Variants in PPP2R3B observed in about 807,000 individuals in gnomAD.
PPP2R3B encodes protein phosphatase 2 regulatory subunit B''beta, also known as serine/threonine-protein phosphatase 2A regulatory subunit B'' subunit beta.
In PPP2R3B, 68 loss-of-function variants were observed where a neutral mutation model predicts 72.9. That is an observed-to-expected ratio of 0.93 (90% CI 0.77 to 1.14). PPP2R3B has a LOEUF of 1.14. Ranked by LOEUF, PPP2R3B falls within the 50% of genes most tolerant of loss-of-function variation. The pLI is 0.00. For synonymous variants in PPP2R3B, 466 were observed against 375.8 expected, an observed-to-expected ratio of 1.24 and a Z score of -2.78; for missense variants, 1,018 against 842.0, an observed-to-expected ratio of 1.21 and a Z score of -2.59.
At chrX:374,166 G>A (rs1242846994) in intron 1 of PPP2R3B, 1 of 152,198 alleles carries the variant, frequency 6.6e-6, no homozygotes, top group African/African-American at 2.4e-5. Context: ...TCCCCGAGAA[G>A]AGAGCCTGGG....
At chrX:353,431 C>T (rs1039220662) in intron 2 of PPP2R3B, among the ~76,000 whole-genome samples, 13 of 152,088 alleles carry the variant, frequency 8.5e-5, no homozygotes, top group Non-Finnish European at 2.9e-5. Flanking sequence ...ACAATTCATG[C>T]TGTCATTAAA....
intron 1 of PPP2R3B, among the ~76,000 whole-genome samples, chrX:367,983 T>C (rs1248896960): frequency 6.6e-6 from 1 of 152,176 alleles, no homozygotes; most frequent in African/African-American, 2.4e-5. Context: ...AAGAGGTCAG[T>C]CAGGGGAAGA....
intron 1 of PPP2R3B, among the ~76,000 whole-genome samples, chrX:367,040 G>C (rs935503971): frequency 7.4e-6 from 1 of 135,020 alleles, no homozygotes; most frequent in Non-Finnish European, 1.6e-5. Context: ...AAAAAAAAAA[G>C]TGAGATGAAT....
intron 1 of PPP2R3B, among the ~76,000 whole-genome samples, chrX:367,933 T>G (rs1158956006): frequency 6.6e-6 from 1 of 152,206 alleles, no homozygotes; most frequent in Non-Finnish European, 1.5e-5. Context: ...CACAAGGTGA[T>G]GGACAGACCT....
At chrX:345,331 AGACAC>A (rs1181630365) in intron 7 of PPP2R3B, 180 bp downstream of exon 7, 11 of 875,678 alleles carry the variant, frequency 1.3e-5, no homozygotes, top group Non-Finnish European at 2.0e-5. Flanking sequence ...GCGGGGACCC[AGACAC>A]GGGGCAGCGA....
At chrX:351,416 A>C (rs1304171912) in intron 2 of PPP2R3B, among the ~76,000 whole-genome samples, 1 of 152,206 alleles carries the variant, frequency 6.6e-6, no homozygotes, top group Non-Finnish European at 1.5e-5. Flanking sequence ...CGCGTGCAAG[A>C]CACACCGTCA....
In PPP2R3B at chrX:334,433, GGGCGCCTCGAAGA is replaced by G; in HGVS notation, c.1649_1661del (p.Phe550SerfsTer59). 2.5e-6 allele frequency: 4 copies of G among 1,595,702 alleles called. No individual in the cohort carries two copies. Among genetic ancestry groups the G allele is most frequent in the Non-Finnish European group, 8.5e-7 (1 of 1,176,150 alleles). ...ACAGGTCCACGGCGCCCAGCGGTGA[GGGCGCCTCGAAGA>G]AGGGCCTCTGGGCCAGCGGGGAGCG... On this transcript the variant is annotated frameshift_variant, in exon 13 of 13. Transcript: ENST00000390665. LOFTEE classifies it high-confidence loss of function.
chrX:373,661 G>A (rs1453032928), intron 1 of PPP2R3B: 1 of 258,648 alleles, frequency 3.9e-6, no homozygotes, highest in South Asian at 3.4e-5. Context: ...GTCGCATGCC[G>A]CCGGCGCGCA....
Position 338,729 on chromosome X carries a change from T to C in PPP2R3B, c.1471-19A>G. 1 of 1,611,762 alleles carries C rather than the reference T, an allele frequency of 6.2e-7. No individual in the cohort carries two copies. The highest frequency in any genetic ancestry group is 1.7e-5 in the Admixed American group (1 of 59,988). Reference sequence around the variant, plus strand: ...CACCGTCCTGGAGGAAGCACACGGGTTACGTACACGGCGTGGCGCGGCCCG... The same window carrying C: ...CACCGTCCTGGAGGAAGCACACGGGCTACGTACACGGCGTGGCGCGGCCCG... On this transcript the variant is annotated intron_variant, in intron 11 of 12. Coordinates refer to ENST00000390665, the MANE Select transcript of PPP2R3B (RefSeq NM_013239.5).
At chrX:342,176 C>T (rs1228911352) in intron 7 of PPP2R3B, 2 of 606,088 alleles carry the variant, frequency 3.3e-6, no homozygotes, top group East Asian at 2.8e-5. Context: ...GCTCCAAGAC[C>T]GACTTGTAAA....
intron 1 of PPP2R3B, among the ~76,000 whole-genome samples, chrX:382,344 C>T (rs1165462094): frequency 6.6e-6 from 1 of 151,890 alleles, no homozygotes; most frequent in African/African-American, 2.4e-5. Context: ...ATTACAGGTG[C>T]CCACCACCAC....
chrX:376,095 G>A (rs2071986213), intron 1 of PPP2R3B, among the ~76,000 whole-genome samples: 1 of 152,136 alleles, frequency 6.6e-6, no homozygotes, highest in Non-Finnish European at 1.5e-5. Context: ...GGAGGCTGAG[G>A]GAGAAGAATC....
chrX:369,166 G>C (rs987335797), intron 1 of PPP2R3B, among the ~76,000 whole-genome samples: 3 of 152,188 alleles, frequency 2.0e-5, no homozygotes, highest in Non-Finnish European at 2.9e-5. Context: ...GGTGAGGCCA[G>C]GCATCTACGG....
chrX:364,596 T>C (rs1413250566), intron 1 of PPP2R3B, among the ~76,000 whole-genome samples: 1 of 148,206 alleles, frequency 6.7e-6, no homozygotes, highest in Non-Finnish European at 1.5e-5. Flanking sequence ...AGGGTGCCTG[T>C]ACTCCCAGCT....
chrX:345,544 C>T lies in PPP2R3B; in HGVS notation c.1008G>A (p.Ala336=), dbSNP rs763344461. Residue 336 remains alanine, a synonymous_variant, in exon 7 of 13, where the codon GCG becomes GCA. Coordinates refer to ENST00000390665, the MANE Select transcript of PPP2R3B (RefSeq NM_013239.5). ...LDTDHDLLID[A]DDLARHNDHA... is the part of the protein sequence containing the mutation. ...GGTCATTGTGCCGCGCCAGGTCGTC[C>T]GCGTCGATGAGCAGGTCGTGGTCCG... 1.1e-4 allele frequency: 182 copies of T among 1,613,178 alleles called. No homozygotes were observed. The East Asian group carries it at 3.8e-3, about 33-fold the overall frequency.
chrX:353,951 G>A (rs2071384688), intron 2 of PPP2R3B, among the ~76,000 whole-genome samples: 1 of 138,644 alleles, frequency 7.2e-6, no homozygotes, highest in Non-Finnish European at 1.5e-5. Context: ...CAGGGAGCAG[G>A]GGCTCACCCA....
Position 341,359 on chromosome X carries a change from C to G in PPP2R3B, c.1123G>C (p.Ala375Pro), listed in dbSNP as rs1456123185. Residue 375 changes from alanine (A) to proline (P), a missense_variant, in exon 9 of 13, where the codon GCC (alanine) becomes CCC (proline). Physicochemically the swap from Ala to Pro is conservative, Grantham distance 27. Coordinates refer to ENST00000390665, the MANE Select transcript of PPP2R3B (RefSeq NM_013239.5). The stretch of plus-strand genomic sequence containing the variant: ...GAGATCAAAAACCAGACAAAGTCGG[C>G]ATAGCTGATCTTCCCTTCCTTCTGC... ...KVQKEGKISYADFVWFLISEE... is the reference protein window; with the variant it reads ...KVQKEGKISYPDFVWFLISEE... 6.2e-7 allele frequency: 1 copy of G among 1,612,774 alleles called. No homozygotes were observed. Among genetic ancestry groups the G allele is most frequent in the South Asian group, 1.1e-5 (1 of 91,082 alleles).
chrX:381,027 C>T (rs1434189079), intron 1 of PPP2R3B, among the ~76,000 whole-genome samples: 1 of 151,712 alleles, frequency 6.6e-6, no homozygotes, highest in African/African-American at 2.4e-5. Context: ...CCTCGAACTC[C>T]TGGGATCTTC....
chrX:343,698 C>G (rs2071125108), intron 7 of PPP2R3B, among the ~76,000 whole-genome samples: 1 of 73,508 alleles, frequency 1.4e-5, no homozygotes, highest in Admixed American at 1.3e-4. Context: ...CAACGGGAGG[C>G]GGGAGTGAGA....
Sources: gnomAD v4.1 joint callset for allele counts (sites outside exome capture counted in the v4.1 genomes callset) on GRCh38, gnomAD v4.1.1 for gene constraint, MANE v1.5 for transcripts, NCBI Gene and HGNC (gene_info 2026-07-23, HGNC 2026-07-21) for gene names.